TNR: variants seen among roughly 807,000 people sequenced by gnomAD.
TNR encodes the protein tenascin R.
Under a neutral mutation model 150.4 loss-of-function variants are expected in TNR, and 45 were observed. That is an observed-to-expected ratio of 0.30 (90% CI 0.24 to 0.38). The LOEUF (loss-of-function observed/expected upper bound fraction) is 0.38. Among genes scored for constraint, TNR ranks in the 10% least tolerant of loss-of-function variants. TNR has a pLI of 1.00. For synonymous variants in TNR, 687 were observed against 678.4 expected, an observed-to-expected ratio of 1.01 and a Z score of -0.20; for missense variants, 1,544 against 1,759.1, an observed-to-expected ratio of 0.88 and a Z score of 2.19.
intron 1 of TNR, among the ~76,000 whole-genome samples, chr1:175,579,811 A>T (rs1010814863): frequency 5.3e-5 from 8 of 151,900 alleles, no homozygotes; most frequent in Middle Eastern, 3.4e-3. Context: ...TCCCTTGGAT[A>T]CCCAACTTCT....
At chr1:175,532,856 G>C (rs1660127032) in intron 1 of TNR, among the ~76,000 whole-genome samples, 2 of 152,114 alleles carry the variant, frequency 1.3e-5, no homozygotes, top group South Asian at 4.2e-4. Context: ...CAACTTGGTG[G>C]CTAGCTTCCC....
At chr1:175,453,351 T>A (rs1656410670) in intron 2 of TNR, among the ~76,000 whole-genome samples, 1 of 151,930 alleles carries the variant, frequency 6.6e-6, no homozygotes, top group South Asian at 2.1e-4. Flanking sequence ...GAGAAGTTTA[T>A]GGTCTGTCCC....
chr1:175,584,232 G>C (rs971734206), intron 1 of TNR, among the ~76,000 whole-genome samples: 4 of 152,152 alleles, frequency 2.6e-5, no homozygotes, highest in Admixed American at 2.6e-4. Flanking sequence ...TATCAAAAGG[G>C]GGAATTTGGA....
chr1:175,685,564 G>A (rs1239993441), intron 1 of TNR, among the ~76,000 whole-genome samples: 3 of 152,118 alleles, frequency 2.0e-5, no homozygotes, highest in Admixed American at 2.0e-4. Context: ...TCAAATGGGT[G>A]TCCATGGCAT....
chr1:175,733,613 T>G (rs1425167440), intron 1 of TNR, among the ~76,000 whole-genome samples: 1 of 152,128 alleles, frequency 6.6e-6, no homozygotes, highest in Non-Finnish European at 1.5e-5. Context: ...GCTTTGCATT[T>G]TAATAACTCA....
rs1001835120 is a variant in TNR at position 175,317,300 on chromosome 1, C to A, written c.*6057G>T. On this transcript the variant is annotated 3_prime_UTR_variant, in exon 23 of 23. Coordinates refer to ENST00000367674, the MANE Select transcript of TNR (RefSeq NM_003285.3). ...TACTAATTGCCTGTGTGAATGTGAG[C>A]AAATTGCCTAAACTTTCTTGCCCTT... 1 of 152,316 alleles carries A rather than the reference C, an allele frequency of 6.6e-6. No homozygotes were observed. The allele number at this position is 152,316 out of a possible 1,614,324, so 9.4% of individuals were successfully genotyped here.
chr1:175,393,981 C>T, intron 5 of TNR, 86 bp from the exon 6 acceptor site: 1 of 1,073,004 alleles, frequency 9.3e-7, no homozygotes, highest in Non-Finnish European at 1.4e-6. Flanking sequence ...GGTGAACTCC[C>T]TCCACGCCAT....
At chr1:175,337,956 T>C (rs1272846899) in intron 18 of TNR, among the ~76,000 whole-genome samples, 1 of 152,266 alleles carries the variant, frequency 6.6e-6, no homozygotes, top group African/African-American at 2.4e-5. Flanking sequence ...ACCTATTTAT[T>C]TGACTTTAAG....
At position 175,330,102 on chromosome 1, in the gene TNR, G is replaced by T; in HGVS notation, c.3765C>A (p.Leu1255=). 6.2e-7 allele frequency: 1 copy of T among 1,606,572 alleles called. No individual in the cohort carries two copies. Among genetic ancestry groups the T allele is most frequent in the African/African-American group, 1.3e-5 (1 of 74,926 alleles). ...SVEDSRNLYK[L]RIGSYNGTAG... ...CAGTGCCGTTGTAGCTTCCTATGCG[G>T]AGTTTGTACAGGTTTCTGCTGTCCT... Residue 1255 remains leucine, a synonymous_variant, in exon 21 of 23, where the codon CTC becomes CTA. Transcript: ENST00000367674.
chr1:175,428,752 C>T (rs1655128047), intron 2 of TNR, among the ~76,000 whole-genome samples: 1 of 152,098 alleles, frequency 6.6e-6, no homozygotes. Context: ...GCTTTTTTCC[C>T]CCTGTGCTGC....
intron 1 of TNR, among the ~76,000 whole-genome samples, chr1:175,594,809 T>C (rs1019971895): frequency 2.0e-5 from 3 of 149,224 alleles, no homozygotes; most frequent in Non-Finnish European, 4.4e-5. Flanking sequence ...TGAGCCAAGA[T>C]TGCAACCATT....
intron 2 of TNR, among the ~76,000 whole-genome samples, chr1:175,462,090 T>C (rs1193600551): frequency 6.6e-6 from 1 of 152,214 alleles, no homozygotes; most frequent in African/African-American, 2.4e-5. Context: ...TAAAATGCAA[T>C]AGCTGTCCAG....
rs796991968 is a variant in TNR at position 175,486,587 on chromosome 1, C to T, written c.-64+41682G>A. 9.8e-5 allele frequency among the ~76,000 whole-genome samples: 15 copies of T among 152,306 alleles called. 1 individual carries two copies. Among genetic ancestry groups the T allele is most frequent in the African/African-American group, 3.6e-4 (15 of 41,564 alleles). On this transcript the variant is annotated intron_variant, in intron 2 of 22. Transcript: ENST00000367674. ...TGAACAGTGCTGCAATAAACATACA[C>T]ATGTATGTGTCTTTATAGTAGAATG...
intron 15 of TNR, among the ~76,000 whole-genome samples, chr1:175,357,172 T>C (rs1029577500): frequency 2.6e-5 from 4 of 152,190 alleles, no homozygotes; most frequent in Non-Finnish European, 5.9e-5. Context: ...GCCTCATTGA[T>C]TGAGTTTTGG....
chr1:175,377,628 T>C (rs1345216844), intron 9 of TNR, among the ~76,000 whole-genome samples: 2 of 152,128 alleles, frequency 1.3e-5, no homozygotes, highest in Non-Finnish European at 2.9e-5. Context: ...AGTGCGTCTG[T>C]CTGGAAAAGG....
At chr1:175,487,600 G>T (rs546283429) in intron 2 of TNR, among the ~76,000 whole-genome samples, 1 of 152,150 alleles carries the variant, frequency 6.6e-6, no homozygotes. Context: ...GAGTCAGACA[G>T]TCTAAGATTA....
intron 19 of TNR, among the ~76,000 whole-genome samples, chr1:175,336,952 G>T (rs909997687): frequency 3.3e-5 from 5 of 152,306 alleles, no homozygotes; most frequent in Admixed American, 3.3e-4. Context: ...CAATGCAGTG[G>T]CATGGTCTCG....
At chr1:175,598,631 G>A (rs1188552702) in intron 1 of TNR, among the ~76,000 whole-genome samples, 1 of 152,238 alleles carries the variant, frequency 6.6e-6, no homozygotes, top group East Asian at 1.9e-4. Flanking sequence ...AAAAGGTTAT[G>A]AGTGTCTAGA....
At chr1:175,538,091 A>G (rs1660364444) in intron 1 of TNR, among the ~76,000 whole-genome samples, 1 of 152,218 alleles carries the variant, frequency 6.6e-6, no homozygotes, top group Non-Finnish European at 1.5e-5. Flanking sequence ...AGCTTAGTGC[A>G]TATAGGAGCA....
Sources: allele counts gnomAD v4.1 joint callset (sites outside exome capture counted in the v4.1 genomes callset), GRCh38; gene constraint gnomAD v4.1.1; transcripts MANE v1.5; gene names NCBI Gene and HGNC (gene_info 2026-07-23, HGNC 2026-07-21).